ACER3: variants seen among roughly 807,000 people sequenced by gnomAD.
The protein encoded by ACER3 is alkCDase 3.
In ACER3, 16 loss-of-function variants were observed where a neutral mutation model predicts 48.9. That is an observed-to-expected ratio of 0.33 (90% CI 0.22 to 0.50). The LOEUF (loss-of-function observed/expected upper bound fraction) is 0.50. Ranked by LOEUF, ACER3 falls within the 20% of genes least tolerant of loss-of-function variation. ACER3 has a pLI of 0.98. For synonymous variants in ACER3, 109 were observed against 107.8 expected (o/e 1.01, Z -0.07); for missense variants, 227 against 326.0 (o/e 0.70, Z 2.34).
At chr11:77,005,624 T>C (rs1301450250) in intron 7 of ACER3, among the ~76,000 whole-genome samples, 3 of 152,016 alleles carry the variant, frequency 2.0e-5, no homozygotes, top group African/African-American at 7.2e-5. Context: ...TTCTAGTAGT[T>C]TGGTGGCAAG....
Position 76,861,000 on chromosome 11 carries a change from G to T in ACER3, c.24G>T (p.Glu8Asp). MAPAADR[E>D]GYWGPTTSTL... ...TGATGGCTCCGGCCGCGGACCGAGA[G>T]GGCTACTGGGGCCCCACGACCTCCA... Residue 8 changes from glutamate (E) to aspartate (D), a missense_variant, in exon 1 of 11, where the codon GAG (glutamate) becomes GAT (aspartate). Around this residue, in one of 3 missense-constraint regions of ACER3, gnomAD observed 27 missense variants for 18.1 expected, o/e 1.49. Transcript: ENST00000532485. 1 of 1,544,770 alleles carries T rather than the reference G, an allele frequency of 6.5e-7. No homozygotes were observed. Among genetic ancestry groups the T allele is most frequent in the Non-Finnish European group, 8.7e-7 (1 of 1,145,258 alleles).
At chr11:76,877,270 A>T (rs999255969) in intron 1 of ACER3, among the ~76,000 whole-genome samples, 1 of 150,632 alleles carries the variant, frequency 6.6e-6, no homozygotes, top group Non-Finnish European at 1.5e-5. Flanking sequence ...TCGCTCTAAC[A>T]TATGTTCTTT....
rs184471696 is a variant in ACER3, at chr11:76,970,169, G to A, written c.268-6120G>A. On this transcript the variant is annotated intron_variant, in intron 3 of 10. Transcript: ENST00000532485. Reference sequence around the variant, plus strand: ...ACTCCAAAAGGGTGAGGATTATAACGAGGCATGTCGGACCTCCTTTCCCCA... The same window carrying A: ...ACTCCAAAAGGGTGAGGATTATAACAAGGCATGTCGGACCTCCTTTCCCCA... Among the ~76,000 whole-genome samples, 5 of 152,122 alleles carry A rather than the reference G, an allele frequency of 3.3e-5. No individual in the cohort carries two copies. The East Asian group carries it at 5.8e-4, about 18-fold the overall frequency.
At chr11:76,945,686 T>C (rs1947454520) in intron 2 of ACER3, among the ~76,000 whole-genome samples, 1 of 152,226 alleles carries the variant, frequency 6.6e-6, no homozygotes, top group South Asian at 2.1e-4. Context: ...TTCTTGGGCC[T>C]GCACTTCACT....
chr11:76,950,876 C>T (rs916145927), intron 2 of ACER3, among the ~76,000 whole-genome samples: 11 of 152,230 alleles, frequency 7.2e-5, no homozygotes, highest in East Asian at 3.9e-4. Flanking sequence ...ATAATATGGA[C>T]GATCTTTTCT....
In ACER3 at chr11:77,024,434, C is replaced by G. The variant is rs76524197; in HGVS notation, c.*4107C>G. 6.6e-6 allele frequency: 1 copy of G among 152,146 alleles called. No homozygotes were observed. The highest frequency in any genetic ancestry group is 2.4e-5 in the African/African-American group (1 of 41,418). 9.4% of individuals were successfully genotyped at this position (152,146 alleles called of 1,614,324 possible). On this transcript the variant is annotated 3_prime_UTR_variant, in exon 11 of 11. Coordinates refer to ENST00000532485, the MANE Select transcript of ACER3 (RefSeq NM_018367.7). ...CCAAAATTATCAGCCCAGTCAGCTT[C>G]ATATACCCAGATATGGACACTTCTA...
chr11:76,891,074 G>A (rs1396257644), intron 1 of ACER3, among the ~76,000 whole-genome samples: 1 of 151,468 alleles, frequency 6.6e-6, no homozygotes, highest in Non-Finnish European at 1.5e-5. Context: ...AGCTGAGACT[G>A]CACCACTGCA....
At chr11:76,913,891 A>G (rs576715232) in intron 1 of ACER3, among the ~76,000 whole-genome samples, 63 of 152,268 alleles carry the variant, frequency 4.1e-4, no homozygotes, top group African/African-American at 1.3e-3. Context: ...CAGAAATAAT[A>G]CCACACATCT....
intron 1 of ACER3, among the ~76,000 whole-genome samples, chr11:76,893,154 T>C (rs930192494): frequency 1.3e-5 from 2 of 152,108 alleles, no homozygotes; most frequent in Admixed American, 1.3e-4. Flanking sequence ...TTGATGAGGA[T>C]ACAAACAAAT....
At chr11:76,964,320 T>C (rs1948079582) in intron 3 of ACER3, among the ~76,000 whole-genome samples, 1 of 151,254 alleles carries the variant, frequency 6.6e-6, no homozygotes, top group Non-Finnish European at 1.5e-5. Context: ...GCCGGGAAGC[T>C]CGAACTGGAT....
intron 4 of ACER3, among the ~76,000 whole-genome samples, chr11:76,981,226 T>C (rs1474189893): frequency 1.3e-5 from 2 of 152,350 alleles, no homozygotes; most frequent in African/African-American, 4.8e-5. Context: ...TCTCAAAAAC[T>C]ATGTCTCTGG....
intron 1 of ACER3, among the ~76,000 whole-genome samples, chr11:76,880,934 C>G (rs1018921385): frequency 5.3e-5 from 8 of 151,934 alleles, no homozygotes; most frequent in African/African-American, 1.9e-4. Context: ...GAGGGTCTAC[C>G]CTTATGACTG....
chr11:76,908,834 C>G (rs1946299581), intron 1 of ACER3, among the ~76,000 whole-genome samples: 1 of 152,038 alleles, frequency 6.6e-6, no homozygotes, highest in Non-Finnish European at 1.5e-5. Flanking sequence ...GCAAAAAGAA[C>G]AAAGCTGGAG....
chr11:77,002,220 AAC>A (rs1317247645), intron 7 of ACER3, among the ~76,000 whole-genome samples: 1 of 152,214 alleles, frequency 6.6e-6, no homozygotes, highest in Non-Finnish European at 1.5e-5. Context: ...TATCAGAGGA[AAC>A]ACACTATATC....
chr11:76,997,163 G>A (rs1246348663), intron 6 of ACER3, among the ~76,000 whole-genome samples: 1 of 151,994 alleles, frequency 6.6e-6, no homozygotes, highest in Non-Finnish European at 1.5e-5. Context: ...CTTGTCTCTA[G>A]AATATAAGAT....
At chr11:76,872,895 T>C (rs1945276801) in intron 1 of ACER3, among the ~76,000 whole-genome samples, 1 of 133,878 alleles carries the variant, frequency 7.5e-6, no homozygotes, top group Non-Finnish European at 1.5e-5. Flanking sequence ...TCTTTCTTTC[T>C]TTCTTTTTTC....
chr11:77,012,707 A>G (rs547436389), intron 7 of ACER3, among the ~76,000 whole-genome samples: 12 of 152,302 alleles, frequency 7.9e-5, no homozygotes, highest in Admixed American at 7.8e-4. Flanking sequence ...AATGGATTAT[A>G]AACTTCAATA....
intron 7 of ACER3, among the ~76,000 whole-genome samples, chr11:76,999,911 A>G (rs560237418): frequency 2.4e-4 from 37 of 152,286 alleles, no homozygotes; most frequent in African/African-American, 7.5e-4. Flanking sequence ...TAAAGCTGCT[A>G]TGAACAATTG....
intron 2 of ACER3, chr11:76,955,587 T>C (rs1947818456): frequency 6.6e-6 from 1 of 152,288 alleles, no homozygotes; most frequent in Admixed American, 6.5e-5. Flanking sequence ...CTGTCTGTGC[T>C]GTGGAAAGAG....
Sources: gnomAD v4.1 joint callset for allele counts (sites outside exome capture counted in the v4.1 genomes callset) on GRCh38, gnomAD v4.1.1 for gene constraint, gnomAD v4.1.1 regional missense constraint, MANE v1.5 for transcripts, NCBI Gene and HGNC (gene_info 2026-07-23, HGNC 2026-07-21) for gene names.